CEP128: variants seen among roughly 807,000 people sequenced by gnomAD.
The protein encoded by CEP128 is centrosomal protein 128.
A neutral mutation model predicts 156.7 loss-of-function variants in CEP128; 132 were observed. That is an observed-to-expected ratio of 0.84 (90% CI 0.73 to 0.97). The LOEUF (loss-of-function observed/expected upper bound fraction) is 0.97, where lower values mean the gene tolerates loss of function less well. Ranked by LOEUF, CEP128 falls within the 50% of genes least tolerant of loss-of-function variation. CEP128 has a pLI of 0.00. For synonymous variants in CEP128, 469 were observed against 448.9 expected (o/e 1.04, Z -0.57); for missense variants, 1,252 against 1,281.9 (o/e 0.98, Z 0.36).
chr14:80,568,202 G>A (rs906784620), intron 20 of CEP128, among the ~76,000 whole-genome samples: 1 of 152,030 alleles, frequency 6.6e-6, no homozygotes, highest in African/African-American at 2.4e-5. Flanking sequence ...TTGTTTCCCC[G>A]AAGGGCACAT....
chr14:80,729,469 C>T (rs1019331667), intron 19 of CEP128, among the ~76,000 whole-genome samples: 9 of 152,026 alleles, frequency 5.9e-5, no homozygotes, highest in South Asian at 2.1e-4. Flanking sequence ...GCAAATTGTG[C>T]TGCTATAAAC....
intron 2 of CEP128, among the ~76,000 whole-genome samples, chr14:80,929,427 G>A (rs8005883): frequency 0.69 from 104,914 of 152,122 alleles, 37,409 homozygotes; most frequent in African/African-American, 0.88. Flanking sequence ...ATCTATGTTT[G>A]TCACAGCACA....
At chr14:80,667,536 A>T (rs531412643) in intron 19 of CEP128, among the ~76,000 whole-genome samples, 3 of 152,316 alleles carry the variant, frequency 2.0e-5, no homozygotes, top group Admixed American at 2.0e-4. Flanking sequence ...AATGCTAAAA[A>T]GTCAGCCAAC....
chr14:80,651,401 C>T (rs1894897976), intron 19 of CEP128, among the ~76,000 whole-genome samples: 1 of 151,648 alleles, frequency 6.6e-6, no homozygotes. Context: ...AAGAGTTTTC[C>T]ATGTCTCTAT....
At chr14:80,486,357 T>C (rs1887165086), downstream of CEP128, among the ~76,000 whole-genome samples, 2 of 151,646 alleles carry the variant, frequency 1.3e-5, no homozygotes, top group Non-Finnish European at 2.9e-5. Context: ...CTCCAAGAAA[T>C]ATGGGACTAT....
intron 19 of CEP128, among the ~76,000 whole-genome samples, chr14:80,617,921 C>T (rs763271150): frequency 1.8e-4 from 28 of 152,258 alleles, no homozygotes; most frequent in Non-Finnish European, 3.8e-4. Context: ...TCCCACTTCA[C>T]TTAATAACCA....
At position 80,683,627 on chromosome 14, in the gene CEP128, A is replaced by G. The variant is rs73334786; in HGVS notation, c.2806+59448T>C. ...ACACTACCAATTAGACTTAACAGAC[A>G]TCTACAGAATAATACACCTATAAAC... On this transcript the variant is annotated intron_variant, in intron 19 of 24. Transcript: ENST00000555265. 6.6e-3 allele frequency among the ~76,000 whole-genome samples: 1,006 copies of G among 152,320 alleles called. 9 individuals carry two copies. The highest frequency in any genetic ancestry group is 0.022 in the African/African-American group (927 of 41,560).
intron 14 of CEP128, among the ~76,000 whole-genome samples, chr14:80,480,831 C>G (rs1887037647): frequency 6.6e-6 from 1 of 152,176 alleles, no homozygotes; most frequent in South Asian, 2.1e-4. Context: ...CAAAATGCAG[C>G]CAGTCTCTTT....
In CEP128 at chr14:80,888,207, G is replaced by A. The variant is rs1888905817; in HGVS notation, c.645+7511C>T. On this transcript the variant is annotated intron_variant, in intron 8 of 24. Transcript: ENST00000555265. ...TCGAATTCTACCAGAGGTACAAAGA[G>A]GAGCTGGTATCATTCCTTCTGAAAC... Among the ~76,000 whole-genome samples the A allele has an allele frequency of 2.6e-5, 4 of 152,260 alleles. No homozygotes were observed. The South Asian group carries it at 8.3e-4, about 32-fold the overall frequency.
chr14:80,732,962 A>G (rs1483666951), intron 19 of CEP128, among the ~76,000 whole-genome samples: 1 of 152,044 alleles, frequency 6.6e-6, no homozygotes, highest in African/African-American at 2.4e-5. Flanking sequence ...TGACTGAGCC[A>G]CAGGGTGCCC....
intron 9 of CEP128, among the ~76,000 whole-genome samples, chr14:80,849,550 A>G (rs72693011): frequency 0.36 from 54,764 of 152,094 alleles, 10,298 homozygotes; most frequent in South Asian, 0.51. Context: ...CTAATACTTG[A>G]CCACAGTATG....
chr14:80,858,129 T>C (rs949861051), intron 9 of CEP128, among the ~76,000 whole-genome samples: 1 of 151,754 alleles, frequency 6.6e-6, no homozygotes, highest in Non-Finnish European at 1.5e-5. Context: ...GGCATCACAC[T>C]ACCTGACTTC....
At chr14:80,730,838 A>C (rs1266019531) in intron 19 of CEP128, among the ~76,000 whole-genome samples, 1 of 152,158 alleles carries the variant, frequency 6.6e-6, no homozygotes, top group Non-Finnish European at 1.5e-5. Flanking sequence ...TTTCCTCTTT[A>C]TGGGAGAGAA....
chr14:80,595,623 A>G (rs1892280806), intron 19 of CEP128, among the ~76,000 whole-genome samples: 1 of 152,242 alleles, frequency 6.6e-6, no homozygotes, highest in African/African-American at 2.4e-5. Flanking sequence ...AGTTTTACTC[A>G]AAAACACATG....
intron 8 of CEP128, among the ~76,000 whole-genome samples, chr14:80,889,878 C>T (rs1338239526): frequency 6.6e-6 from 1 of 152,172 alleles, no homozygotes; most frequent in Non-Finnish European, 1.5e-5. Flanking sequence ...ATCTATCCAT[C>T]TGACAAAGAG....
intron 18 of CEP128, among the ~76,000 whole-genome samples, chr14:80,744,790 A>G (rs968556027): frequency 1.3e-5 from 2 of 152,132 alleles, no homozygotes; most frequent in Non-Finnish European, 2.9e-5. Flanking sequence ...AATCCTGGCC[A>G]AGTGCAGCAG....
intron 19 of CEP128, among the ~76,000 whole-genome samples, chr14:80,587,831 C>A (rs1370638141): frequency 6.6e-6 from 1 of 152,100 alleles, no homozygotes; most frequent in African/African-American, 2.4e-5. Flanking sequence ...ATGCTGAAAT[C>A]CAGGCATAAA....
intron 19 of CEP128, among the ~76,000 whole-genome samples, chr14:80,681,602 G>A (rs903637523): frequency 1.8e-4 from 28 of 152,160 alleles, no homozygotes; most frequent in Admixed American, 6.5e-5. Flanking sequence ...GATAGTGAGT[G>A]AGTTCTCATG....
chr14:80,934,019 C>T (rs577879079), intron 2 of CEP128, among the ~76,000 whole-genome samples: 4 of 152,236 alleles, frequency 2.6e-5, no homozygotes, highest in South Asian at 2.1e-4. Flanking sequence ...CAGACAAGCC[C>T]GACCTACCAT....
Sources: gnomAD v4.1 joint callset for allele counts (sites outside exome capture counted in the v4.1 genomes callset) on GRCh38, gnomAD v4.1.1 for gene constraint, MANE v1.5 for transcripts, NCBI Gene and HGNC (gene_info 2026-07-23, HGNC 2026-07-21) for gene names.